The following PCCA variants were observed in gnomAD, a reference collection of about 807,000 sequenced individuals.
PCCA encodes the protein propionyl-CoA carboxylase subunit alpha.
PCCA carries 74 observed loss-of-function variants against 101.3 expected under a neutral mutation model. The ratio of observed to expected loss-of-function variants is 0.73; its 90% CI spans 0.61 to 0.89. PCCA has a LOEUF of 0.89. Ranked by LOEUF, PCCA falls within the 40% of genes least tolerant of loss-of-function variation. PCCA has a pLI of 0.00. For missense variants in PCCA, 891 were observed against 907.0 expected (o/e 0.98, Z 0.23); for synonymous variants, 294 against 313.6 (o/e 0.94, Z 0.66).
chr13:100,496,425 A>G (rs888175707), intron 21 of PCCA, among the ~76,000 whole-genome samples: 6 of 152,032 alleles, frequency 3.9e-5, no homozygotes, highest in Non-Finnish European at 5.9e-5. Context: ...TATTTTGTCA[A>G]ATGGCTCTCA....
intron 19 of PCCA, among the ~76,000 whole-genome samples, chr13:100,421,982 A>AC (rs1240175297): frequency 6.6e-6 from 1 of 150,660 alleles, no homozygotes; most frequent in Admixed American, 6.6e-5. Context: ...ACTGCACCCA[A>AC]CCCATGATTT....
At chr13:100,240,438 T>C (rs538705312) in intron 8 of PCCA, among the ~76,000 whole-genome samples, 1 of 152,032 alleles carries the variant, frequency 6.6e-6, no homozygotes, top group Non-Finnish European at 1.5e-5. Flanking sequence ...CTTGCTGATA[T>C]CTTCACAAAA....
chr13:100,523,510 A>G (rs529218496), intron 22 of PCCA, among the ~76,000 whole-genome samples: 105 of 152,278 alleles, frequency 6.9e-4, no homozygotes, highest in African/African-American at 2.3e-3. Context: ...AGGTGTCTGC[A>G]GCTCTTCAGC....
chr13:100,113,049 G>A (rs182236001), intron 4 of PCCA, among the ~76,000 whole-genome samples: 5 of 152,268 alleles, frequency 3.3e-5, no homozygotes, highest in African/African-American at 1.2e-4. Flanking sequence ...CCTTTGGTAG[G>A]GTCCATCAGT....
At chr13:100,256,895 CTAAA>C (rs1380619948) in intron 8 of PCCA, among the ~76,000 whole-genome samples, 1 of 152,186 alleles carries the variant, frequency 6.6e-6, no homozygotes, top group East Asian at 1.9e-4. Context: ...TGTATAATAA[CTAAA>C]TACTTAATCA....
intron 16 of PCCA, among the ~76,000 whole-genome samples, chr13:100,316,027 T>C (rs905738636): frequency 6.6e-6 from 1 of 152,188 alleles, no homozygotes; most frequent in African/African-American, 2.4e-5. Flanking sequence ...ATTCTTCCCA[T>C]CTAGCTGATC....
chr13:100,174,742 G>GA (rs1303164139), intron 6 of PCCA, among the ~76,000 whole-genome samples: 2 of 135,732 alleles, frequency 1.5e-5, no homozygotes, highest in South Asian at 2.4e-4. Flanking sequence ...AAAAAAAAAA[G>GA]AAAAAAAAAG....
At chr13:100,102,247 A>G (rs1268871712) in intron 1 of PCCA, among the ~76,000 whole-genome samples, 2 of 151,634 alleles carry the variant, frequency 1.3e-5, no homozygotes, top group African/African-American at 4.8e-5. Flanking sequence ...CTCAAGTAAT[A>G]CTCCCACCTC....
intron 7 of PCCA, among the ~76,000 whole-genome samples, chr13:100,228,400 A>C (rs2060273875): frequency 6.6e-6 from 1 of 152,148 alleles, no homozygotes; most frequent in Admixed American, 6.5e-5. Flanking sequence ...ATATTATTGA[A>C]CATTATGTTA....
intron 17 of PCCA, among the ~76,000 whole-genome samples, chr13:100,337,387 G>C (rs969580911): frequency 2.6e-5 from 4 of 152,214 alleles, no homozygotes; most frequent in African/African-American, 9.7e-5. Context: ...AGTGGAGACC[G>C]TTCAAAGGGA....
intron 6 of PCCA, among the ~76,000 whole-genome samples, chr13:100,199,816 G>A (rs906664262): frequency 1.3e-5 from 2 of 152,268 alleles, no homozygotes; most frequent in East Asian, 3.9e-4. Flanking sequence ...TATATGAGAA[G>A]CAAGATAAAT....
At chr13:100,529,438 C>G (rs181688126) in intron 23 of PCCA, among the ~76,000 whole-genome samples, 3 of 152,290 alleles carry the variant, frequency 2.0e-5, no homozygotes, top group Non-Finnish European at 4.4e-5. Context: ...CCACCTCAAG[C>G]CCCTCCTTGC....
chr13:100,213,252 C>A (rs1435671883), intron 7 of PCCA, among the ~76,000 whole-genome samples: 2 of 152,078 alleles, frequency 1.3e-5, no homozygotes, highest in Non-Finnish European at 2.9e-5. Flanking sequence ...GGGTATATAC[C>A]TAGCAGTGGG....
chr13:100,271,628 T>G (rs1270388389), intron 11 of PCCA, among the ~76,000 whole-genome samples: 1 of 152,210 alleles, frequency 6.6e-6, no homozygotes, highest in African/African-American at 2.4e-5. Context: ...GTTTTGGACC[T>G]TATTTGGATC....
rs147459394 is a variant in PCCA, at chr13:100,448,696, T to G, written c.1846-556T>G. Among the ~76,000 whole-genome samples the G allele has an allele frequency of 3.3e-5, 5 of 152,376 alleles. No homozygotes were observed. The East Asian group carries it at 9.6e-4, about 29-fold the overall frequency. ...CAAATTTTATTTATAAATAAATGAA[T>G]AATAAAGAGGTTATTTCTTTCACTA... On this transcript the variant is annotated intron_variant, in intron 20 of 23. Coordinates refer to ENST00000376285, the MANE Select transcript of PCCA (RefSeq NM_000282.4).
At chr13:100,498,639 T>G (rs979186942) in intron 21 of PCCA, among the ~76,000 whole-genome samples, 2 of 152,128 alleles carry the variant, frequency 1.3e-5, no homozygotes, top group Non-Finnish European at 2.9e-5. Flanking sequence ...CCCATTTCCA[T>G]TAAGTGATCA....
chr13:100,228,722 C>G (rs1335491155), intron 7 of PCCA, among the ~76,000 whole-genome samples: 2 of 151,692 alleles, frequency 1.3e-5, no homozygotes, highest in Non-Finnish European at 2.9e-5. Flanking sequence ...GATGGTGAAA[C>G]CCCATCTCTA....
intron 6 of PCCA, among the ~76,000 whole-genome samples, chr13:100,160,120 C>G (rs933207825): frequency 6.6e-6 from 1 of 152,150 alleles, no homozygotes; most frequent in Non-Finnish European, 1.5e-5. Context: ...TAAAAACACA[C>G]CAAACTTTAC....
chr13:100,341,957 G>GTATATGTATATATATATATATA (rs1555426164), intron 18 of PCCA, among the ~76,000 whole-genome samples: 1 of 107,172 alleles, frequency 9.3e-6, no homozygotes, highest in African/African-American at 4.3e-5. Context: ...ACCCTTCAAA[G>GTATATGTATATATATATATATA]TATATATATA....
Sources: gnomAD v4.1 joint callset for allele counts (sites outside exome capture counted in the v4.1 genomes callset) on GRCh38, gnomAD v4.1.1 for gene constraint, MANE v1.5 for transcripts, NCBI Gene and HGNC (gene_info 2026-07-23, HGNC 2026-07-21) for gene names.